The following PTPRK variants were observed in gnomAD, a reference collection of about 807,000 sequenced individuals.
The protein encoded by PTPRK is protein tyrosine phosphatase receptor type K, also known as receptor-type tyrosine-protein phosphatase kappa.
A neutral mutation model predicts 178.0 loss-of-function variants in PTPRK; 75 were observed. The observed-to-expected ratio is 0.42, with a 90% CI of 0.35 to 0.51. PTPRK has a LOEUF of 0.51. Ranked by LOEUF, PTPRK falls within the 20% of genes least tolerant of loss-of-function variation. The pLI, the probability that PTPRK is intolerant of heterozygous loss-of-function variation, is 0.02. For synonymous variants in PTPRK, 637 were observed against 620.6 expected, an observed-to-expected ratio of 1.03 and a Z score of -0.39; for missense variants, 1,441 against 1,797.8, an observed-to-expected ratio of 0.80 and a Z score of 3.59.
At chr6:128,471,012 A>G (rs1001971394) in intron 1 of PTPRK, among the ~76,000 whole-genome samples, 7 of 151,766 alleles carry the variant, frequency 4.6e-5, no homozygotes, top group South Asian at 4.2e-4. Context: ...GTTGCCTTCT[A>G]TAAGTTAGAG....
intron 1 of PTPRK, among the ~76,000 whole-genome samples, chr6:128,470,455 C>T (rs1394218621): frequency 1.3e-5 from 2 of 151,914 alleles, no homozygotes; most frequent in Non-Finnish European, 2.9e-5. Context: ...CGTAAGTTCA[C>T]AAAATTATTC....
chr6:128,380,029 T>C (rs763491526), intron 2 of PTPRK, among the ~76,000 whole-genome samples: 2 of 151,974 alleles, frequency 1.3e-5, no homozygotes, highest in African/African-American at 4.8e-5. Context: ...ATAGGTTAAG[T>C]ATATGGAAGA....
At chr6:128,493,590 CTACACACA>C (rs1343324659) in intron 1 of PTPRK, among the ~76,000 whole-genome samples, 1 of 59,678 alleles carries the variant, frequency 1.7e-5, no homozygotes, top group African/African-American at 8.0e-5. Flanking sequence ...CTCCCGCCCC[CTACACACA>C]CACACACACA....
intron 5 of PTPRK, among the ~76,000 whole-genome samples, chr6:128,228,462 T>C (rs1811744239): frequency 7.0e-6 from 1 of 142,168 alleles, no homozygotes; most frequent in African/African-American, 2.7e-5. Context: ...CTGGTGAACA[T>C]GGTGAAACCC....
Position 127,991,396 on chromosome 6 carries a change from A to C in PTPRK, c.2882-5T>G. 2 of 1,558,128 alleles carry C rather than the reference A, an allele frequency of 1.3e-6. No homozygotes were observed. The highest frequency in any genetic ancestry group is 1.7e-6 in the Non-Finnish European group (2 of 1,152,942). ...ACACTGTTTCATGAACGGGACCTAC[A>C]AAGAAATTAATTTGAATATTATGTT... On this transcript the variant is annotated splice_polypyrimidine_tract_variant and splice_region_variant and intron_variant, in intron 19 of 29. Transcript: ENST00000368226.
At chr6:128,210,581 G>A (rs190267832) in intron 6 of PTPRK, among the ~76,000 whole-genome samples, 30 of 152,192 alleles carry the variant, frequency 2.0e-4, no homozygotes, top group Non-Finnish European at 3.5e-4. Context: ...AAGTATACTC[G>A]GAAGAGCTGG....
intron 7 of PTPRK, among the ~76,000 whole-genome samples, chr6:128,173,403 A>G (rs145485956): frequency 7.6e-4 from 115 of 152,118 alleles, no homozygotes; most frequent in Middle Eastern, 3.4e-3. Flanking sequence ...CATAATTTCT[A>G]AAAATGTGGT....
intron 3 of PTPRK, among the ~76,000 whole-genome samples, chr6:128,258,945 C>T (rs1168642953): frequency 5.3e-5 from 8 of 152,082 alleles, no homozygotes; most frequent in African/African-American, 1.9e-4. Flanking sequence ...TTATTGACTC[C>T]ATTGAGAAGC....
chr6:128,229,222 G>C (rs1332730510), intron 5 of PTPRK, among the ~76,000 whole-genome samples: 1 of 152,122 alleles, frequency 6.6e-6, no homozygotes, highest in African/African-American at 2.4e-5. Context: ...GCTGACAATG[G>C]AGCTTTAGTA....
At chr6:128,067,230 C>CCT (rs367765514) in intron 12 of PTPRK, among the ~76,000 whole-genome samples, 9 of 152,246 alleles carry the variant, frequency 5.9e-5, no homozygotes, top group African/African-American at 2.2e-4. Context: ...AGCAGCAGCA[C>CCT]ACCCACGTTT....
chr6:127,979,575 C>T (rs890843465), intron 25 of PTPRK, among the ~76,000 whole-genome samples: 1 of 152,242 alleles, frequency 6.6e-6, no homozygotes, highest in Non-Finnish European at 1.5e-5. Flanking sequence ...GGCAAGACTC[C>T]GATCACAGCA....
chr6:128,041,774 G>C (rs1246764981), intron 13 of PTPRK, among the ~76,000 whole-genome samples: 1 of 151,488 alleles, frequency 6.6e-6, no homozygotes, highest in Non-Finnish European at 1.5e-5. Context: ...GTGTGACTGT[G>C]TATGTGTAGA....
chr6:128,518,839 G>C, intron 1 of PTPRK: 1 of 363,072 alleles, frequency 2.8e-6, no homozygotes, highest in Admixed American at 3.8e-5. Context: ...GACACATGCT[G>C]CCACCTGAAT....
At position 128,243,288 on chromosome 6, in the gene PTPRK, G is replaced by T. The variant is rs1814800066; in HGVS notation, c.496-686C>A. 3.9e-5 allele frequency among the ~76,000 whole-genome samples: 6 copies of T among 151,940 alleles called. No individual in the cohort carries two copies. In the South Asian group the frequency reaches 1.2e-3, roughly 32 times the overall value. On this transcript the variant is annotated intron_variant, in intron 3 of 29. Coordinates refer to ENST00000368226, the MANE Select transcript of PTPRK (RefSeq NM_002844.4). ...AATGTTAAGAAAAAAAAAGTTTCTAGATTTAAATATAAGCTCATTTTACAG... is the reference window on the plus strand; with the variant it reads ...AATGTTAAGAAAAAAAAAGTTTCTATATTTAAATATAAGCTCATTTTACAG...
intron 3 of PTPRK, among the ~76,000 whole-genome samples, chr6:128,249,415 A>G (rs888491068): frequency 4.6e-5 from 7 of 152,122 alleles, no homozygotes; most frequent in Non-Finnish European, 5.9e-5. Context: ...TATCACAATG[A>G]AATCAAATTT....
Position 127,981,747 on chromosome 6 carries a change from T to A in PTPRK, c.3538-458A>T, listed in dbSNP as rs116131209. 7.8e-3 allele frequency among the ~76,000 whole-genome samples: 1,190 copies of A among 152,302 alleles called. 19 individuals carry two copies. The highest frequency in any genetic ancestry group is 0.027 in the African/African-American group (1,130 of 41,578). On this transcript the variant is annotated intron_variant, in intron 24 of 29. Coordinates refer to ENST00000368226, the MANE Select transcript of PTPRK (RefSeq NM_002844.4). ...GCCCTTGATTTTATTTTCACCCACC[T>A]TCAGGGGTGTTTTAAGGGCAGTGAA...
At chr6:128,165,140 C>G (rs74840467) in intron 7 of PTPRK, among the ~76,000 whole-genome samples, 3,169 of 150,978 alleles carry the variant, frequency 0.021, 112 homozygotes, top group African/African-American at 0.072. Context: ...TTAAAAAAAA[C>G]CTAAATCAAG....
intron 7 of PTPRK, among the ~76,000 whole-genome samples, chr6:128,155,536 C>T (rs749115666): frequency 6.6e-5 from 10 of 151,194 alleles, no homozygotes; most frequent in Admixed American, 1.3e-4. Context: ...AGATTATCAG[C>T]GATATCAATT....
rs559316611 is a variant in PTPRK, at chr6:128,098,804, T to C, written c.1163-8812A>G. ...TTAAATAGCATCCTGTTTTTAATAA[T>C]AGAAAACACTTATTAAGTGCTTAAA... On this transcript the variant is annotated intron_variant, in intron 7 of 29. Coordinates refer to ENST00000368226, the MANE Select transcript of PTPRK (RefSeq NM_002844.4). 1.4e-3 allele frequency among the ~76,000 whole-genome samples: 210 copies of C among 152,288 alleles called. 1 individual carries two copies. The highest frequency in any genetic ancestry group is 4.9e-3 in the African/African-American group (205 of 41,558).
Sources: gnomAD v4.1 joint callset for allele counts (sites outside exome capture counted in the v4.1 genomes callset) on GRCh38, gnomAD v4.1.1 for gene constraint, MANE v1.5 for transcripts, NCBI Gene and HGNC (gene_info 2026-07-23, HGNC 2026-07-21) for gene names.